SHANK2: variants seen among roughly 807,000 people sequenced by gnomAD.
SHANK2 encodes SH3 and multiple ankyrin repeat domains protein 2.
A neutral mutation model predicts 133.7 loss-of-function variants in SHANK2; 43 were observed. That is an observed-to-expected ratio of 0.32 (90% CI 0.25 to 0.41). The LOEUF is 0.41. Ranked by LOEUF, SHANK2 falls within the 10% of genes least tolerant of loss-of-function variation. The pLI, the probability that SHANK2 is intolerant of heterozygous loss-of-function variation, is 1.00. For missense variants in SHANK2, 1,994 were observed against 2,235.8 expected, an observed-to-expected ratio of 0.89 and a Z score of 2.18; for synonymous variants, 1,017 against 952.8, an observed-to-expected ratio of 1.07 and a Z score of -1.24.
rs1171282098 is a variant in SHANK2 at position 71,073,147 on chromosome 11, CTTTTTTTTCTTTTTTTTCTTT to C, written c.1029+1991_1029+2011del. Among the ~76,000 whole-genome samples the C allele has an allele frequency of 1.2e-3, 77 of 62,758 alleles. 3 individuals are homozygous for C. The highest frequency in any genetic ancestry group is 3.2e-3 in the Admixed American group (20 of 6,196). 41.2% of individuals were successfully genotyped at this position (62,758 alleles called of 152,430 possible). On this transcript the variant is annotated intron_variant, in intron 9 of 25. Transcript: ENST00000601538. ...TTTTTGTTTTTTTTCTTTTTCTTTT[CTTTTTTTTCTTTTTTTTCTTT>C]TTTTTTTTGAGATAGAGTCTTGCTC...
intron 17 of SHANK2, 30 bp downstream of exon 17, chr11:70,659,798 G>A (rs1555012721): frequency 1.9e-6 from 3 of 1,613,914 alleles, no homozygotes; most frequent in Non-Finnish European, 2.5e-6. Flanking sequence ...CTCTCCCCAA[G>A]CAGAAAGATA....
At chr11:70,801,437 T>C (rs1555050481) in intron 13 of SHANK2, among the ~76,000 whole-genome samples, 3 of 152,184 alleles carry the variant, frequency 2.0e-5, no homozygotes. Context: ...TGGTACCTGC[T>C]GGTCCTCTTC....
At chr11:71,245,007 TC>T (rs1191562590) in intron 1 of SHANK2, among the ~76,000 whole-genome samples, 2 of 150,328 alleles carry the variant, frequency 1.3e-5, no homozygotes, top group Non-Finnish European at 3.0e-5. Context: ...CTATTTTTTT[TC>T]CTCACTCTGT....
intron 10 of SHANK2, among the ~76,000 whole-genome samples, chr11:70,903,335 C>T (rs950378155): frequency 6.6e-6 from 1 of 150,728 alleles, no homozygotes; most frequent in Non-Finnish European, 1.5e-5. Flanking sequence ...TGAGATTGCA[C>T]CACTGCACTC....
rs552250092 is a variant in SHANK2, at chr11:70,579,225, C to T, written c.2062-76294G>A. On this transcript the variant is annotated intron_variant, in intron 17 of 25. Coordinates refer to ENST00000601538, the MANE Select transcript of SHANK2 (RefSeq NM_012309.5). ...ACCCTGCCCTGTGCTGGGCGTGGGG[C>T]ATCATATTTCTCAAGAAAATCATTT... Among the ~76,000 whole-genome samples, 3 of 152,316 alleles carry T rather than the reference C, an allele frequency of 2.0e-5. No homozygotes were observed. In the East Asian group the frequency reaches 5.8e-4, roughly 29 times the overall value.
chr11:71,097,872 ATGCCTGTG>A (rs1951646984), intron 6 of SHANK2, among the ~76,000 whole-genome samples: 1 of 152,184 alleles, frequency 6.6e-6, no homozygotes, highest in African/African-American at 2.4e-5. Context: ...ACCTATGTGC[ATGCCTGTG>A]TGCCTGTGTG....
chr11:70,626,082 G>A (rs2060901403), intron 17 of SHANK2, among the ~76,000 whole-genome samples: 1 of 152,238 alleles, frequency 6.6e-6, no homozygotes, highest in East Asian at 1.9e-4. Flanking sequence ...CATCCCGGCT[G>A]AGCATGGTAC....
chr11:70,536,947 C>G (rs1554974260), intron 17 of SHANK2, among the ~76,000 whole-genome samples: 1 of 152,150 alleles, frequency 6.6e-6, no homozygotes, highest in Non-Finnish European at 1.5e-5. Context: ...GCAGAGGACC[C>G]TTCTTACTCC....
rs367795321 is a variant in SHANK2, at chr11:70,632,598, CA to C, written c.2061+27229del. On this transcript the variant is annotated intron_variant, in intron 17 of 25. Transcript: ENST00000601538. ...CTTTTACAACAGAATCATCTCCCCACATACCATTTTCCCTGATGCTGCCTGA... is the reference window on the plus strand; with the variant it reads ...CTTTTACAACAGAATCATCTCCCCACTACCATTTTCCCTGATGCTGCCTGA... 8.5e-4 allele frequency among the ~76,000 whole-genome samples: 129 copies of C among 152,232 alleles called. 3 individuals are homozygous for C. In the South Asian group the frequency reaches 0.026, roughly 30 times the overall value.
At chr11:70,911,066 C>T (rs1555078914) in intron 10 of SHANK2, 2 of 457,014 alleles carry the variant, frequency 4.4e-6, no homozygotes, top group South Asian at 3.1e-5. Flanking sequence ...TCGGCATTCA[C>T]CCCCAGACTT....
chr11:70,509,870 G>C (rs934276815), intron 17 of SHANK2, among the ~76,000 whole-genome samples: 7 of 152,216 alleles, frequency 4.6e-5, no homozygotes, highest in Non-Finnish European at 8.8e-5. Flanking sequence ...CCATGATCTT[G>C]GACTTCTGGT....
chr11:70,556,339 AGCACTTAACGT>A (rs1194429945), intron 17 of SHANK2, among the ~76,000 whole-genome samples: 1 of 152,200 alleles, frequency 6.6e-6, no homozygotes, highest in African/African-American at 2.4e-5. Flanking sequence ...AGCTGCTATA[AGCACTTAACGT>A]GCAGCCTGAT....
At chr11:70,816,615 G>A (rs1421686803) in intron 12 of SHANK2, among the ~76,000 whole-genome samples, 5 of 152,226 alleles carry the variant, frequency 3.3e-5, no homozygotes, top group African/African-American at 1.2e-4. Flanking sequence ...AGTAAGGCAG[G>A]CGCACAAGGC....
chr11:70,762,224 T>C (rs1947011611), intron 14 of SHANK2, among the ~76,000 whole-genome samples: 1 of 150,378 alleles, frequency 6.6e-6, no homozygotes, highest in East Asian at 1.9e-4. Context: ...CTCAAAATTC[T>C]GTGGTTTTAC....
At position 70,662,258 on chromosome 11, in the gene SHANK2, G is replaced by A. The variant is rs1342297620; in HGVS notation, c.1854-580C>T. On this transcript the variant is annotated intron_variant, in intron 15 of 25. Transcript: ENST00000601538. ...CGGCAGCAGGCACCAGAGACGCAGG[G>A]ACCTGCGCGTCGCATCCAGCGCCCC... 8 of 181,022 alleles carry A rather than the reference G, an allele frequency of 4.4e-5. No individual in the cohort carries two copies. In the East Asian group the frequency reaches 1.2e-3, roughly 27 times the overall value. The allele number at this position is 181,022 out of a possible 1,614,324, so 11.2% of individuals were successfully genotyped here. A position where few individuals can be genotyped will look rare whatever the true frequency, so the allele number is the denominator to read the frequency against.
Position 70,487,843 on chromosome 11 carries a change from G to T in SHANK2, c.2573-123C>A. The T allele has an allele frequency of 6.5e-7, 1 of 1,534,926 alleles. No homozygotes were observed. ...TTCAGATGATGAACCGGATGTTCAGGAAACACAGCACAAGCCACGATGCCG... is the reference window on the plus strand; with the variant it reads ...TTCAGATGATGAACCGGATGTTCAGTAAACACAGCACAAGCCACGATGCCG... On this transcript the variant is annotated intron_variant, in intron 24 of 25. Transcript: ENST00000601538. The surrounding 1 kb of genome is among the most constrained non-coding windows in gnomAD (Gnocchi z 5.8).
intron 2 of SHANK2, among the ~76,000 whole-genome samples, chr11:71,163,093 A>AAAAAATATATATAT: frequency 1.2e-5 from 1 of 84,678 alleles, no homozygotes; most frequent in Non-Finnish European, 2.5e-5. Context: ...AAAAAAAAAA[A>AAAAAATATATATAT]ATACATATAT....
In SHANK2 at chr11:71,118,937, G is replaced by A. The variant is rs782404066; in HGVS notation, c.303C>T (p.Tyr101=). 71 of 1,551,628 alleles carry A rather than the reference G, an allele frequency of 4.6e-5. 1 individual carries two copies. The highest frequency in any genetic ancestry group is 3.2e-4 in the South Asian group (27 of 84,066). The change falls in exon 4 of 26, where the codon TAC becomes TAT. Residue 101 remains tyrosine, a synonymous_variant. Transcript: ENST00000601538. ...CATTGCTGGCCGGCTGGAACAGGCC[G>A]TAGTTCAGGACATCTTTCAAACTCT... The part of the protein sequence containing the change: ...LTQSLKDVLN[Y]GLFQPASNGR...
At chr11:71,169,685 AG>A (rs1276616238) in intron 2 of SHANK2, among the ~76,000 whole-genome samples, 1 of 145,360 alleles carries the variant, frequency 6.9e-6, no homozygotes, top group East Asian at 2.2e-4. Flanking sequence ...CAGGGTGCAG[AG>A]GTTGCAGTGA....
Sources: allele counts gnomAD v4.1 joint callset (sites outside exome capture counted in the v4.1 genomes callset), GRCh38; gene constraint gnomAD v4.1.1; non-coding constraint Gnocchi (gnomAD v3.1); transcripts MANE v1.5; gene names NCBI Gene and HGNC (gene_info 2026-07-23, HGNC 2026-07-21).